OR56A1: variants seen among roughly 807,000 people sequenced by gnomAD.
OR56A1 encodes olfactory receptor family 56 subfamily A member 1.
For missense variants in OR56A1, 360 were observed against 380.9 expected, an observed-to-expected ratio of 0.94 and a Z score of 0.46; for synonymous variants, 174 against 159.1, an observed-to-expected ratio of 1.09 and a Z score of -0.70.
Position 6,025,871 on chromosome 11 carries a change from T to A in OR56A1, c.*877A>T, listed in dbSNP as rs1848442231. On this transcript the variant is annotated 3_prime_UTR_variant, in exon 2 of 2. Transcript: ENST00000641900. Reference sequence around the variant, plus strand: ...CATTAAATTATCTGTAAATAACCAGTGTAAGGTTTTTTTTCACCTAACTGG... The same window carrying A: ...CATTAAATTATCTGTAAATAACCAGAGTAAGGTTTTTTTTCACCTAACTGG... 1 of 152,192 alleles carries A rather than the reference T, an allele frequency of 6.6e-6. No individual in the cohort carries two copies. Among genetic ancestry groups the A allele is most frequent in the Admixed American group, 6.5e-5 (1 of 15,282 alleles). 9.4% of individuals were successfully genotyped at this position (152,192 alleles called of 1,614,324 possible). A position where few individuals can be genotyped will look rare whatever the true frequency, so the allele number is the denominator to read the frequency against.
chr11:6,031,580 T>C (rs538191975), upstream of OR56A1, among the ~76,000 whole-genome samples: 221 of 152,248 alleles, frequency 1.5e-3, 1 homozygote, highest in South Asian at 8.7e-3. Flanking sequence ...TATTGACAGA[T>C]TTGTTTTAAA....
At chr11:6,028,763 C>T (rs1369473306) in intron 1 of OR56A1, among the ~76,000 whole-genome samples, 2 of 152,138 alleles carry the variant, frequency 1.3e-5, no homozygotes, top group Non-Finnish European at 2.9e-5. Flanking sequence ...ACTACCCTTA[C>T]ATCCAAAAGT....
rs535235051 is a variant in OR56A1 at position 6,027,397 on chromosome 11, G to T, written c.296C>A (p.Ala99Asp). The T allele has an allele frequency of 6.2e-7, 1 of 1,614,200 alleles. No individual in the cohort carries two copies. The highest frequency in any genetic ancestry group is 1.7e-5 in the Admixed American group (1 of 60,032). Reference sequence around the variant, plus strand: ...CATGATGAACATCTGGAGGAAGCAGGCAGGGAAGCTGATCGACCTAAGATC... The same window carrying T: ...CATGATGAACATCTGGAGGAAGCAGTCAGGGAAGCTGATCGACCTAAGATC... ...WYDLRSISFP[A>D]CFLQMFIMNS... The change falls in exon 2 of 2, where the codon GCC becomes GAC. Residue 99 changes from alanine (A) to aspartate (D), a missense_variant. Coordinates refer to ENST00000641900, the MANE Select transcript of OR56A1 (RefSeq NM_001388488.1).
In OR56A1 at chr11:6,022,593, G is replaced by T. The variant is rs147209664; in HGVS notation, c.*4155C>A. ...GATTAAAAATATACCTCAATCCCTA[G>T]ACTCTGAAGAAGCAAAAATGGGTTT... On this transcript the variant is annotated 3_prime_UTR_variant, in exon 2 of 2. Coordinates refer to ENST00000641900, the MANE Select transcript of OR56A1 (RefSeq NM_001388488.1). 1 of 152,198 alleles carries T rather than the reference G, an allele frequency of 6.6e-6. No individual in the cohort carries two copies. The highest frequency in any genetic ancestry group is 2.4e-5 in the African/African-American group (1 of 41,536). The allele number at this position is 152,198 out of a possible 1,614,324, so 9.4% of individuals were successfully genotyped here.
Position 6,021,823 on chromosome 11 carries a change from G to T in OR56A1, c.*4925C>A, listed in dbSNP as rs1043513722. ...CAAACAATGTCTAGTCAAGAAACTT[G>T]TCCCCCTCTCAGTAAGTAAAAATAT... On this transcript the variant is annotated 3_prime_UTR_variant, in exon 2 of 2. Coordinates refer to ENST00000641900, the MANE Select transcript of OR56A1 (RefSeq NM_001388488.1). 4.6e-5 allele frequency: 7 copies of T among 151,958 alleles called. No individual in the cohort carries two copies. Among genetic ancestry groups the T allele is most frequent in the Admixed American group, 6.6e-5 (1 of 15,230 alleles). The allele number at this position is 151,958 out of a possible 1,614,324, so 9.4% of individuals were successfully genotyped here. A position where few individuals can be genotyped will look rare whatever the true frequency, so the allele number is the denominator to read the frequency against.
At position 6,019,803 on chromosome 11, in the gene OR56A1, A is replaced by G. The variant is rs556032785; in HGVS notation, c.*6945T>C. ...CATTAAGCCAAAAGTGAATGTCAGA[A>G]GGCTTTTTCTCAAAAGCATTTAGGC... is the stretch of plus-strand genomic sequence containing the variant. On this transcript the variant is annotated 3_prime_UTR_variant, in exon 2 of 2. Transcript: ENST00000641900. 2 of 152,246 alleles carry G rather than the reference A, an allele frequency of 1.3e-5. No homozygotes were observed. Among genetic ancestry groups the G allele is most frequent in the African/African-American group, 4.8e-5 (2 of 41,570 alleles). The allele number at this position is 152,246 out of a possible 1,614,324, so 9.4% of individuals were successfully genotyped here.
Position 6,026,469 on chromosome 11 carries a change from G to T in OR56A1, c.*279C>A, listed in dbSNP as rs1848448453. On this transcript the variant is annotated 3_prime_UTR_variant, in exon 2 of 2. Transcript: ENST00000641900. ...AAAAGCATCTCTTTTTCTACTATGTGAAATGAAAGTAACAATGCCTGCAGA... is the reference window on the plus strand; with the variant it reads ...AAAAGCATCTCTTTTTCTACTATGTTAAATGAAAGTAACAATGCCTGCAGA... The T allele has an allele frequency of 2.9e-6, 1 of 339,008 alleles. No individual in the cohort carries two copies. Among genetic ancestry groups the T allele is most frequent in the Admixed American group, 4.4e-5 (1 of 22,928 alleles). 21.0% of individuals were successfully genotyped at this position (339,008 alleles called of 1,614,324 possible).
rs1013703518 is a variant in OR56A1, at chr11:6,019,800, A to C, written c.*6948T>G. 2.0e-5 allele frequency: 3 copies of C among 152,142 alleles called. No individual in the cohort carries two copies. The highest frequency in any genetic ancestry group is 4.4e-5 in the Non-Finnish European group (3 of 67,986). The allele number at this position is 152,142 out of a possible 1,614,324, so 9.4% of individuals were successfully genotyped here. A position where few individuals can be genotyped will look rare whatever the true frequency, so the allele number is the denominator to read the frequency against. ...TCTCATTAAGCCAAAAGTGAATGTC[A>C]GAAGGCTTTTTCTCAAAAGCATTTA... On this transcript the variant is annotated 3_prime_UTR_variant, in exon 2 of 2. Transcript: ENST00000641900.
Position 6,020,457 on chromosome 11 carries a change from C to T in OR56A1, c.*6291G>A, listed in dbSNP as rs1287955867. 1 of 151,968 alleles carries T rather than the reference C, an allele frequency of 6.6e-6. No individual in the cohort carries two copies. Among genetic ancestry groups the T allele is most frequent in the East Asian group, 1.9e-4 (1 of 5,194 alleles). The allele number at this position is 151,968 out of a possible 1,614,324, so 9.4% of individuals were successfully genotyped here. On this transcript the variant is annotated 3_prime_UTR_variant, in exon 2 of 2. Transcript: ENST00000641900. ...TATCCATGAGCACGGGATGTCTGTC[C>T]ATTAGTTTGTATCTCCTCTGATTTC...
chr11:6,029,156 G>A (rs1445560464), intron 1 of OR56A1, among the ~76,000 whole-genome samples: 1 of 151,968 alleles, frequency 6.6e-6, no homozygotes, highest in East Asian at 1.9e-4. Flanking sequence ...GAGAGGGGGT[G>A]GATAATGAGA....
rs1399140436 is a variant in OR56A1, at chr11:6,022,961, C to CT, written c.*3786dup. On this transcript the variant is annotated 3_prime_UTR_variant, in exon 2 of 2. Coordinates refer to ENST00000641900, the MANE Select transcript of OR56A1 (RefSeq NM_001388488.1). ...ACTCATGTCAGTGATTTGGTATTGA[C>CT]TTTTAAATGTTGCTGAAGAAAAGAA... is the stretch of plus-strand genomic sequence containing the variant. The CT allele has an allele frequency of 6.6e-6, 1 of 152,086 alleles. No individual in the cohort carries two copies. Among genetic ancestry groups the CT allele is most frequent in the African/African-American group, 2.4e-5 (1 of 41,408 alleles). 9.4% of individuals were successfully genotyped at this position (152,086 alleles called of 1,614,324 possible). A position where few individuals can be genotyped will look rare whatever the true frequency, so the allele number is the denominator to read the frequency against.
chr11:6,027,339 A>G lies in OR56A1; in HGVS notation c.354T>C (p.Phe118=), dbSNP rs142013494. 218 of 1,614,194 alleles carry G rather than the reference A, an allele frequency of 1.4e-4. No individual in the cohort carries two copies. The African/African-American group carries it at 1.6e-3, about 12-fold the overall frequency. The change falls in exon 2 of 2, where the codon TTT becomes TTC. Residue 118 remains phenylalanine, a synonymous_variant. Transcript: ENST00000641900. ...NSFLPMESCT[F]MVMAYDRYVA... The stretch of plus-strand genomic sequence containing the variant: ...CATAACGGTCATAGGCCATGACCAT[A>G]AACGTGCAGGACTCCATGGGGAGGA...
chr11:6,025,659 C>T lies in OR56A1; in HGVS notation c.*1089G>A, dbSNP rs1848439864. On this transcript the variant is annotated 3_prime_UTR_variant, in exon 2 of 2. Transcript: ENST00000641900. ...CTCTGAGGTCCTATGGCATAAGTACCAATTAGGGACAGCATCCTTCCTCAG... is the reference window on the plus strand; with the variant it reads ...CTCTGAGGTCCTATGGCATAAGTACTAATTAGGGACAGCATCCTTCCTCAG... 6.6e-6 allele frequency: 1 copy of T among 152,148 alleles called. No individual in the cohort carries two copies. Among genetic ancestry groups the T allele is most frequent in the East Asian group, 1.9e-4 (1 of 5,198 alleles). 9.4% of individuals were successfully genotyped at this position (152,148 alleles called of 1,614,324 possible). A position where few individuals can be genotyped will look rare whatever the true frequency, so the allele number is the denominator to read the frequency against.
Position 6,020,405 on chromosome 11 carries a change from A to G in OR56A1, c.*6343T>C, listed in dbSNP as rs1386104266. 6.6e-6 allele frequency: 1 copy of G among 152,054 alleles called. No homozygotes were observed. The highest frequency in any genetic ancestry group is 6.6e-5 in the Admixed American group (1 of 15,246). 9.4% of individuals were successfully genotyped at this position (152,054 alleles called of 1,614,324 possible). A position where few individuals can be genotyped will look rare whatever the true frequency, so the allele number is the denominator to read the frequency against. On this transcript the variant is annotated 3_prime_UTR_variant, in exon 2 of 2. Transcript: ENST00000641900. ...TCTGTAAATTGCTTTTGGGCAGTGTAGTGATTTTAATGGTACTGATTCTTC... is the reference window on the plus strand; with the variant it reads ...TCTGTAAATTGCTTTTGGGCAGTGTGGTGATTTTAATGGTACTGATTCTTC...
chr11:6,027,046 A>C lies in OR56A1; in HGVS notation c.647T>G (p.Leu216Arg), dbSNP rs1181081574. 2 of 1,614,252 alleles carry C rather than the reference A, an allele frequency of 1.2e-6. No homozygotes were observed. Among genetic ancestry groups the C allele is most frequent in the South Asian group, 2.2e-5 (2 of 91,088 alleles). Residue 216 changes from leucine to arginine, a missense_variant, in exon 2 of 2, where the codon CTC becomes CGC. Physicochemically the swap from Leu to Arg is moderately radical, Grantham distance 102. Coordinates refer to ENST00000641900, the MANE Select transcript of OR56A1 (RefSeq NM_001388488.1). ...GWTLLGSDLF[L>R]IFLSYTFILR... ...AATGAAGGTGTAAGAGAGGAAGATG[A>C]GGAATAAATCTGAGCCCAGCAAGGT...
rs1377742128 is a variant in OR56A1, at chr11:6,027,004, C to A, written c.689G>T (p.Arg230Ile). The A allele has an allele frequency of 6.2e-7, 1 of 1,614,040 alleles. No individual in the cohort carries two copies. The highest frequency in any genetic ancestry group is 8.5e-7 in the Non-Finnish European group (1 of 1,180,016). The change falls in exon 2 of 2, where the codon AGA becomes ATA. Residue 230 changes from arginine to isoleucine, a missense_variant. Coordinates refer to ENST00000641900, the MANE Select transcript of OR56A1 (RefSeq NM_001388488.1). ...CACTGCCGCCCCCTCTGCTTTGAAT[C>A]TAAGCACAGCTCTTAGAATGAAGGT... ...SYTFILRAVL[R>I]FKAEGAAVKA...
intron 1 of OR56A1, among the ~76,000 whole-genome samples, chr11:6,028,502 C>G (rs1848480159): frequency 6.6e-6 from 1 of 152,058 alleles, no homozygotes; most frequent in Admixed American, 6.5e-5. Context: ...AATACCACGT[C>G]ATGGAGAAAG....
chr11:6,026,889 T>C lies in OR56A1; in HGVS notation c.804A>G (p.Arg268=), dbSNP rs546682050. 1.2e-6 allele frequency: 2 copies of C among 1,614,122 alleles called. No individual in the cohort carries two copies. The highest frequency in any genetic ancestry group is 1.1e-5 in the South Asian group (1 of 91,082). ...LLVVVLTNVA[R]KKVPMDILIL... is the part of the protein sequence containing the mutation. ...TCAGGATGTCCATGGGGACCTTCTTTCTGGCCACGTTTGTCAACACCACAA... is the reference window on the plus strand; with the variant it reads ...TCAGGATGTCCATGGGGACCTTCTTCCTGGCCACGTTTGTCAACACCACAA... The change falls in exon 2 of 2, where the codon AGA becomes AGG. Residue 268 remains arginine, a synonymous_variant. Transcript: ENST00000641900.
At chr11:6,030,037 T>C (rs1339920972) in intron 1 of OR56A1, among the ~76,000 whole-genome samples, 1 of 152,124 alleles carries the variant, frequency 6.6e-6, no homozygotes, top group Non-Finnish European at 1.5e-5. Context: ...CCAGAAAATG[T>C]CTTGAACATT....
Sources: gnomAD v4.1 joint callset for allele counts (sites outside exome capture counted in the v4.1 genomes callset) on GRCh38, gnomAD v4.1.1 for gene constraint, MANE v1.5 for transcripts, NCBI Gene and HGNC (gene_info 2026-07-23, HGNC 2026-07-21) for gene names.